Variants in SH3RF3 observed in about 807,000 individuals in gnomAD.
SH3RF3 encodes the protein E3 ubiquitin-protein ligase SH3RF3.
SH3RF3 carries 29 observed loss-of-function variants against 66.3 expected under a neutral mutation model. That is an observed-to-expected ratio of 0.44 (90% CI 0.33 to 0.60). The LOEUF (loss-of-function observed/expected upper bound fraction) is 0.60. Among genes scored for constraint, SH3RF3 ranks in the 20% least tolerant of loss-of-function variants. The pLI, the probability that SH3RF3 is intolerant of heterozygous loss-of-function variation, is 0.04. For synonymous variants in SH3RF3, 583 were observed against 532.0 expected, an observed-to-expected ratio of 1.10 and a Z score of -1.32; for missense variants, 1,194 against 1,190.9, an observed-to-expected ratio of 1.00 and a Z score of -0.04.
intron 1 of SH3RF3, among the ~76,000 whole-genome samples, chr2:109,242,368 T>A (rs550366110): frequency 8.5e-5 from 13 of 152,292 alleles, no homozygotes; most frequent in African/African-American, 3.1e-4. Context: ...GAGGACCTTG[T>A]CTCCTGTCTG....
At chr2:109,265,630 C>T (rs1680472191) in intron 1 of SH3RF3, among the ~76,000 whole-genome samples, 1 of 152,232 alleles carries the variant, frequency 6.6e-6, no homozygotes, top group Admixed American at 6.5e-5. Flanking sequence ...ATGGGTCCTG[C>T]CAGGTGGCCA....
chr2:109,428,873 T>A (rs7368572), intron 5 of SH3RF3, among the ~76,000 whole-genome samples: 81,022 of 151,456 alleles, frequency 0.53, 23,393 homozygotes, highest in African/African-American at 0.77. Context: ...AGCCAGGAGG[T>A]TGTGAGCCCT....
intron 3 of SH3RF3, among the ~76,000 whole-genome samples, chr2:109,373,346 A>G (rs1338704444): frequency 6.6e-6 from 1 of 152,214 alleles, no homozygotes; most frequent in African/African-American, 2.4e-5. Flanking sequence ...GGGATACCCA[A>G]CATATACATG....
At chr2:109,267,430 A>G (rs1375209090) in intron 1 of SH3RF3, among the ~76,000 whole-genome samples, 1 of 152,226 alleles carries the variant, frequency 6.6e-6, no homozygotes, top group Non-Finnish European at 1.5e-5. Flanking sequence ...AAAGAGAAGC[A>G]GCACTGAGGA....
intron 1 of SH3RF3, among the ~76,000 whole-genome samples, chr2:109,219,862 A>G (rs1325600936): frequency 1.3e-5 from 2 of 152,200 alleles, no homozygotes; most frequent in Non-Finnish European, 2.9e-5. Flanking sequence ...AAAGTGATCT[A>G]CAGATTCAGG....
chr2:109,179,606 T>A (rs1003805241), intron 1 of SH3RF3, among the ~76,000 whole-genome samples: 1 of 152,188 alleles, frequency 6.6e-6, no homozygotes. Flanking sequence ...CCTGCTGTGT[T>A]GTAATATGGT....
intron 1 of SH3RF3, among the ~76,000 whole-genome samples, chr2:109,206,812 A>G (rs1678852068): frequency 1.3e-5 from 2 of 152,200 alleles, no homozygotes. Flanking sequence ...GAGAGACACT[A>G]TTAGTTACTT....
chr2:109,249,583 C>CCTTCCTTCCTTCCTTCCTTCCTTCCTTT (rs1553491292), intron 1 of SH3RF3, among the ~76,000 whole-genome samples: 1 of 84,402 alleles, frequency 1.2e-5, no homozygotes, highest in Non-Finnish European at 2.3e-5. Context: ...TTCCTTCCTT[C>CCTTCCTTCCTTCCTTCCTTCCTTCCTTT]CTTTCCTTTC....
intron 1 of SH3RF3, among the ~76,000 whole-genome samples, chr2:109,300,054 A>C (rs1043881402): frequency 2.0e-5 from 3 of 152,196 alleles, no homozygotes; most frequent in Non-Finnish European, 4.4e-5. Context: ...TGGGTGAGTG[A>C]ATGAACAAAG....
At chr2:109,370,539 A>G (rs1381354449) in intron 2 of SH3RF3, among the ~76,000 whole-genome samples, 3 of 152,010 alleles carry the variant, frequency 2.0e-5, no homozygotes, top group East Asian at 1.9e-4. Context: ...GCGCCCGGCC[A>G]TCTGTCTCTC....
chr2:109,317,831 C>T (rs1331279598), intron 1 of SH3RF3, among the ~76,000 whole-genome samples: 3 of 152,074 alleles, frequency 2.0e-5, no homozygotes, highest in Non-Finnish European at 2.9e-5. Context: ...CTAGCGCATC[C>T]GTCTTGGGTC....
At chr2:109,219,263 C>CT (rs200294755) in intron 1 of SH3RF3, among the ~76,000 whole-genome samples, 1,573 of 151,942 alleles carry the variant, frequency 0.01, 29 homozygotes, top group African/African-American at 0.035. Flanking sequence ...TTGCTCAGCA[C>CT]TTTTTTGGGG....
At chr2:109,293,101 C>T (rs901504281) in intron 1 of SH3RF3, among the ~76,000 whole-genome samples, 2 of 152,156 alleles carry the variant, frequency 1.3e-5, no homozygotes, top group African/African-American at 2.4e-5. Flanking sequence ...AGGACTGTCT[C>T]GCCATGACAC....
intron 1 of SH3RF3, among the ~76,000 whole-genome samples, chr2:109,248,967 C>T (rs1231246211): frequency 6.6e-6 from 1 of 151,918 alleles, no homozygotes; most frequent in African/African-American, 2.4e-5. Flanking sequence ...ATGCAGCCTC[C>T]AACTCCTGGG....
At chr2:109,372,092 C>T (rs1028395433) in intron 3 of SH3RF3, among the ~76,000 whole-genome samples, 1 of 152,216 alleles carries the variant, frequency 6.6e-6, no homozygotes, top group African/African-American at 2.4e-5. Flanking sequence ...CCACTGCACA[C>T]GGATTGGAAG....
At chr2:109,205,787 C>T (rs573841779) in intron 1 of SH3RF3, among the ~76,000 whole-genome samples, 15 of 152,192 alleles carry the variant, frequency 9.9e-5, no homozygotes, top group Admixed American at 2.0e-4. Context: ...CTCCCTGAAG[C>T]AGCGGGGGGA....
At chr2:109,214,330 A>G (rs1486963277) in intron 1 of SH3RF3, among the ~76,000 whole-genome samples, 2 of 152,110 alleles carry the variant, frequency 1.3e-5, no homozygotes, top group African/African-American at 4.8e-5. Flanking sequence ...CTACCCTGGC[A>G]GAGGAGGGGC....
intron 1 of SH3RF3, among the ~76,000 whole-genome samples, chr2:109,330,312 G>A (rs1276082844): frequency 6.6e-6 from 1 of 152,102 alleles, no homozygotes; most frequent in Non-Finnish European, 1.5e-5. Flanking sequence ...TAAAGAAAAG[G>A]GGCAAAATTC....
chr2:109,134,368 C>A (rs1185027609), intron 1 of SH3RF3, among the ~76,000 whole-genome samples: 1 of 152,204 alleles, frequency 6.6e-6, no homozygotes, highest in Non-Finnish European at 1.5e-5. Context: ...AAAAACCAGA[C>A]AGCTCACAAG....
Sources: gnomAD v4.1 joint callset for allele counts (sites outside exome capture counted in the v4.1 genomes callset) on GRCh38, gnomAD v4.1.1 for gene constraint, MANE v1.5 for transcripts, NCBI Gene and HGNC (gene_info 2026-07-23, HGNC 2026-07-21) for gene names.